The following PCDHGA11 variants were observed in gnomAD, a reference collection of about 807,000 sequenced individuals.
The protein encoded by PCDHGA11 is protocadherin gamma-A11.
A neutral mutation model predicts 60.4 loss-of-function variants in PCDHGA11; 39 were observed. That is an observed-to-expected ratio of 0.65 (90% confidence interval 0.50 to 0.84). The LOEUF is 0.84. Among genes scored for constraint, PCDHGA11 ranks in the 40% least tolerant of loss-of-function variants. The pLI, the probability that PCDHGA11 is intolerant of heterozygous loss-of-function variation, is 0.00. For synonymous variants in PCDHGA11, 533 were observed against 510.3 expected (o/e 1.04, Z -0.60); for missense variants, 1,165 against 1,197.7 (o/e 0.97, Z 0.40).
chr5:141,485,632 G>T lies in PCDHGA11; in HGVS notation c.2434-9175G>T. The T allele has an allele frequency of 6.2e-7, 1 of 1,611,766 alleles. No homozygotes were observed. Among genetic ancestry groups the T allele is most frequent in the Non-Finnish European group, 8.5e-7 (1 of 1,178,342 alleles). The stretch of plus-strand genomic sequence containing the variant: ...CAGCTCCTCCAGGACAGCGTTTCCC[G>T]TTGGAAAAGGCTCAGGATGCAGATG... On this transcript the variant is annotated intron_variant, in intron 1 of 3. Coordinates refer to ENST00000398587, the MANE Select transcript of PCDHGA11 (RefSeq NM_018914.3). This position sits in a 1 kb window ranked among gnomAD's most constrained non-coding sequence, Gnocchi z 5.7.
chr5:141,448,756 C>T (rs938202200), intron 1 of PCDHGA11, among the ~76,000 whole-genome samples: 1 of 151,742 alleles, frequency 6.6e-6, no homozygotes, highest in African/African-American at 2.4e-5. Context: ...CTGGCTAACA[C>T]GGTGAAACCC....
chr5:141,490,051 G>A lies in PCDHGA11; in HGVS notation c.2434-4756G>A, dbSNP rs779280988. The A allele has an allele frequency of 6.2e-6, 10 of 1,614,094 alleles. No homozygotes were observed. Among genetic ancestry groups the A allele is most frequent in the Admixed American group, 5.0e-5 (3 of 60,012 alleles). ...CCGCCTCAATGCCACTGATCCAGAC[G>A]AGGGCACCAACGGCCAACTAGACTA... On this transcript the variant is annotated intron_variant, in intron 1 of 3. Coordinates refer to ENST00000398587, the MANE Select transcript of PCDHGA11 (RefSeq NM_018914.3). The surrounding 1 kb of genome is among the most constrained non-coding windows in gnomAD (Gnocchi z 5.4).
chr5:141,427,265 C>G (rs767369457), intron 1 of PCDHGA11: 1 of 456,688 alleles, frequency 2.2e-6, no homozygotes, highest in Non-Finnish European at 4.4e-6. Context: ...GCATGACCAG[C>G]GAATGTAAAA....
Position 141,423,504 on chromosome 5 carries a change from T to G in PCDHGA11, c.2277T>G (p.Ser759=), listed in dbSNP as rs1448233226. ...TGCAAACCTATTCCCACGAGGTCTCTCTCATTGCGGACTCGCAGAAGAGTC... is the reference window on the plus strand; with the variant it reads ...TGCAAACCTATTCCCACGAGGTCTCGCTCATTGCGGACTCGCAGAAGAGTC... ...AFLQTYSHEV[S]LIADSQKSHL... is the part of the protein sequence containing the mutation. The change falls in exon 1 of 4, where the codon TCT becomes TCG. Residue 759 remains serine, a synonymous_variant. Transcript: ENST00000398587. The G allele has an allele frequency of 3.1e-6, 5 of 1,613,770 alleles. No individual in the cohort carries two copies. The Admixed American group carries it at 8.3e-5, about 27-fold the overall frequency.
chr5:141,421,357 T>A lies in PCDHGA11; in HGVS notation c.130T>A (p.Ser44Thr), dbSNP rs761522510. ...GGTGCCAGAAGAGACCGAAAAGGGC[T>A]CCTTCGTGGGCAATATCTCCAAGGA... ...YSVPEETEKG[S>T]FVGNISKDLG... The change falls in exon 1 of 4, where the codon TCC (serine) becomes ACC (threonine). Residue 44 changes from serine (S) to threonine (T), a missense_variant. Coordinates refer to ENST00000398587, the MANE Select transcript of PCDHGA11 (RefSeq NM_018914.3). 4.3e-6 allele frequency: 7 copies of A among 1,613,976 alleles called. 1 individual carries two copies. The South Asian group carries it at 7.7e-5, about 18-fold the overall frequency.
intron 1 of PCDHGA11, among the ~76,000 whole-genome samples, chr5:141,464,139 C>T (rs1200161549): frequency 6.6e-6 from 1 of 151,928 alleles, no homozygotes; most frequent in Admixed American, 6.6e-5. Flanking sequence ...GTGGTGGGCG[C>T]CTGTAGTCCC....
chr5:141,449,588 CAAAAAA>C (rs768743917), intron 1 of PCDHGA11, among the ~76,000 whole-genome samples: 1 of 57,492 alleles, frequency 1.7e-5, no homozygotes, highest in Admixed American at 1.8e-4. Flanking sequence ...GACTCTGTCT[CAAAAAA>C]AAAAAAAAAA....
In PCDHGA11 at chr5:141,422,345, A is replaced by G; in HGVS notation, c.1118A>G (p.Gln373Arg). ...ACAGTGATTGCTCTTCTAAATGTGC[A>G]AGATCAAGATTCTGGAGAAAATGGT... ...PGTVIALLNV[Q>R]DQDSGENGQV... Residue 373 changes from glutamine (Q) to arginine (R), a missense_variant, in exon 1 of 4, where the codon CAA (glutamine) becomes CGA (arginine). By Grantham distance (43) the Gln-to-Arg change is conservative. Coordinates refer to ENST00000398587, the MANE Select transcript of PCDHGA11 (RefSeq NM_018914.3). The G allele has an allele frequency of 6.4e-7, 1 of 1,551,648 alleles. No homozygotes were observed. Among genetic ancestry groups the G allele is most frequent in the South Asian group, 1.3e-5 (1 of 78,488 alleles).
chr5:141,422,891 A>G lies in PCDHGA11; in HGVS notation c.1664A>G (p.Asp555Gly). 1.9e-6 allele frequency: 3 copies of G among 1,614,192 alleles called. No homozygotes were observed. Among genetic ancestry groups the G allele is most frequent in the Non-Finnish European group, 2.5e-6 (3 of 1,180,032 alleles). Residue 555 changes from aspartate to glycine, a missense_variant, in exon 1 of 4, where the codon GAC becomes GGC. By Grantham distance (94) the Asp-to-Gly change is moderately conservative. Coordinates refer to ENST00000398587, the MANE Select transcript of PCDHGA11 (RefSeq NM_018914.3). ...SNVSLSLFVL[D>G]QNDNAPEILY... ...GTGTCGCTGAGCCTGTTCGTGCTGG[A>G]CCAGAACGACAATGCGCCCGAGATC...
chr5:141,469,206 AG>A (rs1457933263), intron 1 of PCDHGA11, among the ~76,000 whole-genome samples: 1 of 150,920 alleles, frequency 6.6e-6, no homozygotes, highest in African/African-American at 2.4e-5. Context: ...AGCCTTTTGA[AG>A]TTGAGGCTTC....
chr5:141,436,140 A>G (rs1324666699), intron 1 of PCDHGA11, among the ~76,000 whole-genome samples: 2 of 152,224 alleles, frequency 1.3e-5, no homozygotes, highest in Non-Finnish European at 2.9e-5. Flanking sequence ...TCTTGTATGA[A>G]CTACCAAAAT....
intron 2 of PCDHGA11, among the ~76,000 whole-genome samples, chr5:141,503,598 C>CA (rs765754054): frequency 0.15 from 9,705 of 65,252 alleles, 922 homozygotes; most frequent in African/African-American, 0.34. Context: ...GACTCCAGCT[C>CA]AAAAAAAAAA....
chr5:141,509,882 G>A (rs1374735632), intron 3 of PCDHGA11, among the ~76,000 whole-genome samples: 1 of 152,182 alleles, frequency 6.6e-6, no homozygotes. Context: ...GGTGGTGATG[G>A]TGACTGACTG....
chr5:141,499,012 G>GGAAGGAAT, intron 2 of PCDHGA11, among the ~76,000 whole-genome samples: 1 of 147,618 alleles, frequency 6.8e-6, no homozygotes. Context: ...AAGGAAGGAA[G>GGAAGGAAT]GAAGGAAGGA....
At chr5:141,451,365 G>A (rs557753113) in intron 1 of PCDHGA11, among the ~76,000 whole-genome samples, 2 of 152,234 alleles carry the variant, frequency 1.3e-5, no homozygotes, top group South Asian at 4.1e-4. Context: ...GGATGGATCC[G>A]CTTCTAATCT....
chr5:141,437,693 C>G (rs1305650032), intron 1 of PCDHGA11, among the ~76,000 whole-genome samples: 1 of 151,638 alleles, frequency 6.6e-6, no homozygotes, highest in African/African-American at 2.4e-5. Context: ...GAGGCTAAAT[C>G]TCAAGAAAGA....
At position 141,485,120 on chromosome 5, in the gene PCDHGA11, G is replaced by T; in HGVS notation, c.2434-9687G>T. The T allele has an allele frequency of 7.4e-7, 1 of 1,348,050 alleles. No individual in the cohort carries two copies. Among genetic ancestry groups the T allele is most frequent in the Non-Finnish European group, 1.0e-6 (1 of 952,710 alleles). 83.5% of individuals were successfully genotyped at this position (1,348,050 alleles called of 1,614,324 possible). On this transcript the variant is annotated intron_variant, in intron 1 of 3. Transcript: ENST00000398587. The surrounding 1 kb of genome is among the most constrained non-coding windows in gnomAD (Gnocchi z 5.7). ...TCCAGCTGCTGTGGCTGTTTGGGGC[G>T]GGTCGGCTTCATCCGCGTCTCAGGA...
At position 141,491,111 on chromosome 5, in the gene PCDHGA11, A is replaced by G; in HGVS notation, c.2434-3696A>G. 1 of 1,614,162 alleles carries G rather than the reference A, an allele frequency of 6.2e-7. No individual in the cohort carries two copies. Among genetic ancestry groups the G allele is most frequent in the Non-Finnish European group, 8.5e-7 (1 of 1,180,026 alleles). Reference sequence around the variant, plus strand: ...CCAGGACTGTTCCTCGTGTCTACACACACTGGTGAGGTGCGCACAGCCCGG... The same window carrying G: ...CCAGGACTGTTCCTCGTGTCTACACGCACTGGTGAGGTGCGCACAGCCCGG... On this transcript the variant is annotated intron_variant, in intron 1 of 3. Transcript: ENST00000398587. This position sits in a 1 kb window ranked among gnomAD's most constrained non-coding sequence, Gnocchi z 6.9.
chr5:141,441,633 C>T, intron 1 of PCDHGA11: 1 of 226,756 alleles, frequency 4.4e-6, no homozygotes, highest in Non-Finnish European at 8.9e-6. Flanking sequence ...CCTGGAGCCA[C>T]AGGCGCTGTG....
Sources: gnomAD v4.1 joint callset for allele counts (sites outside exome capture counted in the v4.1 genomes callset) on GRCh38, gnomAD v4.1.1 for gene constraint, Gnocchi (gnomAD v3.1) non-coding constraint, MANE v1.5 for transcripts, NCBI Gene and HGNC (gene_info 2026-07-23, HGNC 2026-07-21) for gene names.